Variants in RANBP2 observed in about 807,000 individuals in gnomAD.
RANBP2 encodes RAN binding protein 2, also known as E3 SUMO-protein ligase RanBP2.
In RANBP2, 57 loss-of-function variants were observed where a neutral mutation model predicts 303.6. The ratio of observed to expected loss-of-function variants is 0.19; its 90% CI spans 0.15 to 0.23. The LOEUF is 0.23. RANBP2 is among the 10% of genes least tolerant of loss of function. The pLI, the probability that RANBP2 is intolerant of heterozygous loss-of-function variation, is 1.00. For synonymous variants in RANBP2, 1,167 were observed against 1,301.5 expected (o/e 0.90, Z 2.23); for missense variants, 3,138 against 3,780.8 (o/e 0.83, Z 4.46).
the RANBP2 span, among the ~76,000 whole-genome samples, chr2:109,475,586 G>A: frequency 6.6e-6 from 1 of 152,186 alleles, no homozygotes; most frequent in Admixed American, 6.5e-5. Flanking sequence ...TGTAGCCAGG[G>A]CTTCTCAACC....
the RANBP2 span, among the ~76,000 whole-genome samples, chr2:109,015,450 T>C: frequency 6.6e-6 from 1 of 152,114 alleles, no homozygotes; most frequent in Admixed American, 6.5e-5. Context: ...TTTCTCTAGC[T>C]TGCTTTATTG....
the RANBP2 span, among the ~76,000 whole-genome samples, chr2:109,463,633 G>A: frequency 6.6e-6 from 1 of 152,180 alleles, no homozygotes; most frequent in South Asian, 2.1e-4. Flanking sequence ...GAAGCAATGG[G>A]GAAGAAGCCA....
At chr2:109,762,378 A>G in the RANBP2 span, among the ~76,000 whole-genome samples, 3 of 150,366 alleles carry the variant, frequency 2.0e-5, no homozygotes, top group Admixed American at 6.8e-5. Flanking sequence ...CCAGATAGCA[A>G]CTGTACTTTT....
At chr2:109,079,900 A>T in the RANBP2 span, among the ~76,000 whole-genome samples, 1 of 152,214 alleles carries the variant, frequency 6.6e-6, no homozygotes, top group South Asian at 2.1e-4. Flanking sequence ...GACTGCTGAG[A>T]GGCAGGACGG....
At chr2:109,667,708 G>A in the RANBP2 span, 4 of 169,838 alleles carry the variant, frequency 2.4e-5, no homozygotes, top group African/African-American at 7.2e-5. Context: ...TCCATCAGCT[G>A]ACATGCCTGG....
At chr2:109,143,358 C>G in the RANBP2 span, among the ~76,000 whole-genome samples, 2 of 152,076 alleles carry the variant, frequency 1.3e-5, no homozygotes, top group Non-Finnish European at 2.9e-5. Flanking sequence ...AACCTCAAAG[C>G]GAGATGTGCA....
At chr2:108,795,774 A>C in the RANBP2 span, among the ~76,000 whole-genome samples, 1 of 151,998 alleles carries the variant, frequency 6.6e-6, no homozygotes, top group Admixed American at 6.5e-5. Flanking sequence ...TGTTCTGAAA[A>C]GCAGTGATTG....
the RANBP2 span, among the ~76,000 whole-genome samples, chr2:109,496,968 C>G: frequency 6.6e-6 from 1 of 152,114 alleles, no homozygotes; most frequent in Non-Finnish European, 1.5e-5. Flanking sequence ...AGGAAGAAGC[C>G]TCCAGAGAAG....
the RANBP2 span, among the ~76,000 whole-genome samples, chr2:109,200,285 C>A: frequency 6.6e-6 from 1 of 152,116 alleles, no homozygotes; most frequent in Admixed American, 6.5e-5. Flanking sequence ...TCTCAGTGGG[C>A]GTCTGTTTGC....
At chr2:109,302,103 G>A in the RANBP2 span, among the ~76,000 whole-genome samples, 1 of 152,160 alleles carries the variant, frequency 6.6e-6, no homozygotes, top group African/African-American at 2.4e-5. Flanking sequence ...CACTGCAATC[G>A]ATAGCAGAGA....
chr2:109,043,516 T>C, the RANBP2 span, among the ~76,000 whole-genome samples: 5 of 152,156 alleles, frequency 3.3e-5, no homozygotes, highest in Non-Finnish European at 7.3e-5. Flanking sequence ...CTAATTTTTG[T>C]ATTTTTCAGG....
the RANBP2 span, among the ~76,000 whole-genome samples, chr2:109,424,435 T>G: frequency 6.6e-6 from 1 of 152,186 alleles, no homozygotes; most frequent in Non-Finnish European, 1.5e-5. Flanking sequence ...CAGGCAAACC[T>G]CATTTCATCG....
In RANBP2 at chr2:108,765,457, T is replaced by A. The variant is rs138946474; in HGVS notation, c.4918T>A (p.Ser1640Thr). 1.7e-4 allele frequency: 252 copies of A among 1,522,958 alleles called. 2 individuals are homozygous for A. Among genetic ancestry groups the A allele is most frequent in the South Asian group, 2.3e-4 (20 of 87,662 alleles). 94.3% of individuals were successfully genotyped at this position (1,522,958 alleles called of 1,614,324 possible). ...TCCAGGTAAACAAAATCAAACTACT[T>A]CTGCAGTTTCAACACCTGCCTCTTC... ...QNPGKQNQTTSAVSTPASSET... is the reference protein window; with the variant it reads ...QNPGKQNQTTTAVSTPASSET... The change falls in exon 20 of 29, where the codon TCT becomes ACT. Residue 1640 changes from serine (S) to threonine (T), a missense_variant. Physicochemically the swap from Ser to Thr is moderately conservative, Grantham distance 58 (BLOSUM62 1). Transcript: ENST00000283195.
At chr2:109,094,536 TA>T in the RANBP2 span, among the ~76,000 whole-genome samples, 1 of 152,074 alleles carries the variant, frequency 6.6e-6, no homozygotes, top group Non-Finnish European at 1.5e-5. Flanking sequence ...GATGTTTATA[TA>T]AAAAAAGCTG....
chr2:108,739,306 G>T (rs1695877186), intron 6 of RANBP2, among the ~76,000 whole-genome samples: 1 of 152,138 alleles, frequency 6.6e-6, no homozygotes, highest in African/African-American at 2.4e-5. Context: ...GGGAGGCTGA[G>T]GCAGAAGAAT....
At chr2:108,744,470 T>C (rs1239205060) in intron 7 of RANBP2, among the ~76,000 whole-genome samples, 10 of 151,858 alleles carry the variant, frequency 6.6e-5, no homozygotes, top group Admixed American at 6.6e-4. Context: ...ACTAATTAAC[T>C]GGTCACAGAT....
At chr2:109,328,450 C>G in the RANBP2 span, among the ~76,000 whole-genome samples, 1 of 152,300 alleles carries the variant, frequency 6.6e-6, no homozygotes, top group South Asian at 2.1e-4. Context: ...TCCTCCATTC[C>G]CTGTATTTCC....
the RANBP2 span, among the ~76,000 whole-genome samples, chr2:108,847,459 A>G: frequency 5.3e-5 from 8 of 152,270 alleles, no homozygotes; most frequent in East Asian, 5.8e-4. Context: ...CAGTGCTTGC[A>G]CTAGCTTGTA....
chr2:109,137,788 G>A, the RANBP2 span, among the ~76,000 whole-genome samples: 2 of 152,184 alleles, frequency 1.3e-5, no homozygotes, highest in Non-Finnish European at 2.9e-5. Flanking sequence ...AAGACTAATC[G>A]GTTAATCCTC....
Sources: gnomAD v4.1 joint callset for allele counts (sites outside exome capture counted in the v4.1 genomes callset) on GRCh38, gnomAD v4.1.1 for gene constraint, MANE v1.5 for transcripts, NCBI Gene and HGNC (gene_info 2026-07-23, HGNC 2026-07-21) for gene names.